The following SLC14A2 variants were observed in gnomAD, a reference collection of about 807,000 sequenced individuals.
The protein encoded by SLC14A2 is urea transporter 2.
A neutral mutation model predicts 104.6 loss-of-function variants in SLC14A2; 91 were observed. That is an observed-to-expected ratio of 0.87 (90% CI 0.73 to 1.04). The LOEUF is 1.04. Among genes scored for constraint, SLC14A2 ranks in the 50% least tolerant of loss-of-function variants. The pLI, the probability that SLC14A2 is intolerant of heterozygous loss-of-function variation, is 0.00. For synonymous variants in SLC14A2, 476 were observed against 466.4 expected (o/e 1.02, Z -0.27); for missense variants, 1,189 against 1,156.0 (o/e 1.03, Z -0.41).
intron 1 of SLC14A2, among the ~76,000 whole-genome samples, chr18:45,271,272 G>T (rs1160076001): frequency 1.3e-5 from 2 of 152,136 alleles, no homozygotes; most frequent in Admixed American, 1.3e-4. Flanking sequence ...CATCTTAGTG[G>T]CTGGGCCAGT....
At chr18:45,341,529 T>A (rs971258346) in intron 1 of SLC14A2, among the ~76,000 whole-genome samples, 7 of 152,020 alleles carry the variant, frequency 4.6e-5, no homozygotes, top group Admixed American at 4.6e-4. Flanking sequence ...TTTTTGCACA[T>A]TTTGTTGGTG....
At chr18:45,448,013 T>C (rs2086797510) in intron 1 of SLC14A2, among the ~76,000 whole-genome samples, 1 of 152,256 alleles carries the variant, frequency 6.6e-6, no homozygotes, top group African/African-American at 2.4e-5. Flanking sequence ...TATGTTTATC[T>C]GCAAAACAAG....
chr18:45,467,149 C>A (rs2144656821), intron 1 of SLC14A2, among the ~76,000 whole-genome samples: 1 of 152,112 alleles, frequency 6.6e-6, no homozygotes, highest in Non-Finnish European at 1.5e-5. Context: ...GAGAAGTCAC[C>A]AACAGAAAGG....
In SLC14A2 at chr18:45,266,706, A is replaced by T. The variant is rs1760380590; in HGVS notation, c.-125+53515A>T. ...TGGGTGCCAATCACCCTTTGCAGAC[A>T]CATTGCCAAATCATATATACAACTG... is the stretch of plus-strand genomic sequence containing the variant. On this transcript the variant is annotated intron_variant, in intron 1 of 20. Transcript: ENST00000586448. Among the ~76,000 whole-genome samples, 3 of 152,158 alleles carry T rather than the reference A, an allele frequency of 2.0e-5. No individual in the cohort carries two copies. In the South Asian group the frequency reaches 6.2e-4, roughly 32 times the overall value.
intron 1 of SLC14A2, among the ~76,000 whole-genome samples, chr18:45,451,427 G>A (rs185489846): frequency 9.2e-5 from 14 of 151,438 alleles, no homozygotes; most frequent in Admixed American, 2.6e-4. Context: ...CAAATTCAAA[G>A]GAAGGAAAAA....
intron 2 of SLC14A2, chr18:45,549,864 T>A (rs1391341848): frequency 6.6e-6 from 1 of 152,198 alleles, no homozygotes; most frequent in Non-Finnish European, 1.5e-5. Context: ...CCCTATTTTT[T>A]AGGTGACAAG....
the SLC14A2 span, among the ~76,000 whole-genome samples, chr18:45,170,809 G>T: frequency 6.6e-6 from 1 of 152,144 alleles, no homozygotes; most frequent in Non-Finnish European, 1.5e-5. Flanking sequence ...AGGAAAAGGC[G>T]GCCCATGTTT....
intron 2 of SLC14A2, among the ~76,000 whole-genome samples, chr18:45,536,669 T>C (rs1437232086): frequency 2.0e-5 from 3 of 152,124 alleles, no homozygotes. Flanking sequence ...TTCTCAGGTA[T>C]TGGGGGTTGG....
At chr18:45,437,446 G>A (rs2086615053) in intron 1 of SLC14A2, among the ~76,000 whole-genome samples, 2 of 152,130 alleles carry the variant, frequency 1.3e-5, no homozygotes, top group African/African-American at 4.8e-5. Context: ...CTCTCTCCTG[G>A]AGCCAGGCAT....
At chr18:45,587,129 C>T (rs1027922887) in intron 2 of SLC14A2, among the ~76,000 whole-genome samples, 1 of 152,134 alleles carries the variant, frequency 6.6e-6, no homozygotes, top group African/African-American at 2.4e-5. Flanking sequence ...CACATACCAC[C>T]ACACCCGGCT....
At chr18:45,261,170 C>T (rs940450326) in intron 1 of SLC14A2, among the ~76,000 whole-genome samples, 3 of 151,258 alleles carry the variant, frequency 2.0e-5, no homozygotes, top group Admixed American at 1.3e-4. Flanking sequence ...CCCCTGCCCC[C>T]ACCCCACAAC....
At chr18:45,668,544 T>C (rs10451385) in intron 15 of SLC14A2, 67 bp downstream of exon 15, 1,254,525 of 1,572,990 alleles carry the variant, frequency 0.8, 506,238 homozygotes, top group Non-Finnish European at 0.83. Context: ...CCCAATCCCA[T>C]GACCGTCTGT....
the SLC14A2 span, among the ~76,000 whole-genome samples, chr18:45,206,686 A>T: frequency 1.2e-3 from 182 of 152,334 alleles, 1 homozygote; most frequent in Non-Finnish European, 2.4e-3. Context: ...AGACAAAATA[A>T]TCTGAGCAGT....
chr18:45,628,369 G>A (rs1218191494), intron 4 of SLC14A2, among the ~76,000 whole-genome samples: 3 of 151,622 alleles, frequency 2.0e-5, no homozygotes, highest in Non-Finnish European at 2.9e-5. Flanking sequence ...GCTTGAACCC[G>A]GGAGGCGGAG....
rs185846793 is a variant in SLC14A2 at position 45,316,015 on chromosome 18, C to T, written c.-125+102824C>T. 1.2e-3 allele frequency among the ~76,000 whole-genome samples: 189 copies of T among 152,336 alleles called. 2 individuals carry two copies. The East Asian group carries it at 0.024, about 19-fold the overall frequency. On this transcript the variant is annotated intron_variant, in intron 1 of 20. Transcript: ENST00000586448. ...TTAGACTTTTCTCTGTGCCTCCTCT[C>T]TGAGAGCTGACTCTTGTGGAAGAAG...
At chr18:45,671,269 C>T (rs915155777) in intron 16 of SLC14A2, among the ~76,000 whole-genome samples, 5 of 152,092 alleles carry the variant, frequency 3.3e-5, no homozygotes, top group African/African-American at 1.2e-4. Flanking sequence ...AGACCCACCA[C>T]CACCACCACC....
intron 2 of SLC14A2, among the ~76,000 whole-genome samples, chr18:45,559,175 C>T (rs1207329310): frequency 1.3e-5 from 2 of 151,984 alleles, no homozygotes; most frequent in Non-Finnish European, 2.9e-5. Flanking sequence ...TCAGGGGGCT[C>T]ATAGTATAAA....
At chr18:45,505,633 C>A (rs139340345) in intron 2 of SLC14A2, among the ~76,000 whole-genome samples, 58 of 152,294 alleles carry the variant, frequency 3.8e-4, no homozygotes, top group Non-Finnish European at 6.5e-4. Context: ...TGGTATAATG[C>A]AAACAGATTT....
At chr18:45,203,315 C>T in the SLC14A2 span, among the ~76,000 whole-genome samples, 1 of 152,144 alleles carries the variant, frequency 6.6e-6, no homozygotes, top group Non-Finnish European at 1.5e-5. Context: ...CACATTCTTA[C>T]CCAGTGTGAT....
Sources: gnomAD v4.1 joint callset for allele counts (sites outside exome capture counted in the v4.1 genomes callset) on GRCh38, gnomAD v4.1.1 for gene constraint, MANE v1.5 for transcripts, NCBI Gene and HGNC (gene_info 2026-07-23, HGNC 2026-07-21) for gene names.